Variants in RAPGEF6 observed in about 807,000 individuals in gnomAD.
RAPGEF6 encodes PDZ domain containing guanine nucleotide exchange factor (GEF) 2.
A neutral mutation model predicts 171.4 loss-of-function variants in RAPGEF6; 56 were observed. The observed-to-expected ratio is 0.33, with a 90% CI of 0.26 to 0.41. The LOEUF (loss-of-function observed/expected upper bound fraction) is 0.41. RAPGEF6 is among the 10% of genes least tolerant of loss of function. The pLI, the probability that RAPGEF6 is intolerant of heterozygous loss-of-function variation, is 1.00. For synonymous variants in RAPGEF6, 692 were observed against 650.1 expected (o/e 1.06, Z -0.98); for missense variants, 1,674 against 1,921.4 (o/e 0.87, Z 2.41).
At chr5:131,589,769 TTC>T (rs920253455) in intron 4 of RAPGEF6, among the ~76,000 whole-genome samples, 3 of 152,228 alleles carry the variant, frequency 2.0e-5, no homozygotes, top group Non-Finnish European at 4.4e-5. Flanking sequence ...ATTGGAGGGC[TTC>T]TGTTTCCTGT....
chr5:131,441,137 T>G (rs571163967), intron 23 of RAPGEF6, among the ~76,000 whole-genome samples: 4 of 152,366 alleles, frequency 2.6e-5, no homozygotes, highest in Non-Finnish European at 5.9e-5. Flanking sequence ...CTGTCTTCAT[T>G]CTCTGCATCT....
intron 4 of RAPGEF6, among the ~76,000 whole-genome samples, chr5:131,579,415 C>T (rs1762799187): frequency 6.6e-6 from 1 of 152,264 alleles, no homozygotes; most frequent in Admixed American, 6.5e-5. Flanking sequence ...GCCCCACCCA[C>T]ATCCTGCTGA....
chr5:131,547,241 A>G (rs1413086118), intron 6 of RAPGEF6, among the ~76,000 whole-genome samples: 1 of 152,208 alleles, frequency 6.6e-6, no homozygotes. Context: ...ATGACAACTG[A>G]AAAAACTAAA....
intron 4 of RAPGEF6, among the ~76,000 whole-genome samples, chr5:131,584,958 A>C (rs1763158353): frequency 6.6e-6 from 1 of 152,224 alleles, no homozygotes; most frequent in Admixed American, 6.5e-5. Flanking sequence ...TTACAGTAAT[A>C]ACAGGAGTTT....
intron 20 of RAPGEF6, among the ~76,000 whole-genome samples, chr5:131,453,705 G>A (rs1029997508): frequency 1.3e-5 from 2 of 152,206 alleles, no homozygotes; most frequent in African/African-American, 2.4e-5. Flanking sequence ...TTTATCCCCC[G>A]AGGTAGACCC....
intron 5 of RAPGEF6, among the ~76,000 whole-genome samples, chr5:131,549,256 T>C (rs570501966): frequency 6.6e-6 from 1 of 152,200 alleles, no homozygotes; most frequent in East Asian, 1.9e-4. Flanking sequence ...TAAGCTCACA[T>C]CTAATAAATA....
chr5:131,600,676 G>A (rs934488220), intron 3 of RAPGEF6, among the ~76,000 whole-genome samples: 20 of 151,832 alleles, frequency 1.3e-4, no homozygotes, highest in African/African-American at 3.4e-4. Context: ...AAAAAGAAAC[G>A]TGATGGGTTT....
intron 26 of RAPGEF6, among the ~76,000 whole-genome samples, chr5:131,429,839 G>C (rs1002523431): frequency 6.6e-6 from 1 of 152,000 alleles, no homozygotes; most frequent in Admixed American, 6.6e-5. Flanking sequence ...GATCACCTGA[G>C]GTGAGAAGTT....
chr5:131,633,796 A>G (rs1391104808), intron 1 of RAPGEF6, among the ~76,000 whole-genome samples: 5 of 152,230 alleles, frequency 3.3e-5, no homozygotes, highest in Non-Finnish European at 7.3e-5. Flanking sequence ...TAAGCCTTGT[A>G]TAATACTTTC....
chr5:131,632,674 T>C (rs763266210), intron 1 of RAPGEF6, among the ~76,000 whole-genome samples: 25 of 152,328 alleles, frequency 1.6e-4, no homozygotes, highest in Admixed American at 5.9e-4. Flanking sequence ...TAAGCAACTA[T>C]AGAGCTAATA....
intron 4 of RAPGEF6, among the ~76,000 whole-genome samples, chr5:131,573,001 C>G (rs1762395203): frequency 6.6e-6 from 1 of 152,162 alleles, no homozygotes; most frequent in Admixed American, 6.5e-5. Flanking sequence ...CGCTCCCTCC[C>G]TAGTCTCTGC....
chr5:131,505,454 A>T lies in RAPGEF6; in HGVS notation c.1011T>A (p.Asn337Lys), dbSNP rs763543100. ...EISHPDGKVE[N>K]LFMGNSFGIT... ...TTCCAAAACTATTTCCCATAAACAA[A>T]TTTTCAACTTTTCCATCTGGATGAC... The change falls in exon 10 of 28, where the codon AAT (asparagine) becomes AAA (lysine). Residue 337 changes from asparagine (N) to lysine (K), a missense_variant. By Grantham distance (94) the Asn-to-Lys change is moderately conservative. This residue lies in a region of RAPGEF6 where 1,116 missense variants were observed against 1,321.5 expected (regional missense o/e 0.84). Coordinates refer to ENST00000509018, the MANE Select transcript of RAPGEF6 (RefSeq NM_016340.6). The T allele has an allele frequency of 9.9e-6, 16 of 1,613,420 alleles. No individual in the cohort carries two copies. Among genetic ancestry groups the T allele is most frequent in the Non-Finnish European group, 1.3e-5 (15 of 1,179,680 alleles).
At chr5:131,495,466 A>C in intron 13 of RAPGEF6, 87 bp downstream of exon 13, 1 of 952,168 alleles carries the variant, frequency 1.1e-6, no homozygotes, top group Non-Finnish European at 1.6e-6. Flanking sequence ...GACACAGGAA[A>C]GAATGAAAGC....
intron 7 of RAPGEF6, among the ~76,000 whole-genome samples, chr5:131,516,235 C>T (rs1345360619): frequency 6.6e-6 from 1 of 151,772 alleles, no homozygotes; most frequent in Non-Finnish European, 1.5e-5. Context: ...CATGCGCCAC[C>T]GCACGTGGCT....
intron 4 of RAPGEF6, among the ~76,000 whole-genome samples, chr5:131,567,180 T>G (rs1336331641): frequency 1.3e-5 from 2 of 152,164 alleles, no homozygotes; most frequent in African/African-American, 4.8e-5. Context: ...TCTGGAAATT[T>G]GTATCTTTTT....
At chr5:131,625,351 A>T (rs945346552) in intron 1 of RAPGEF6, among the ~76,000 whole-genome samples, 1 of 152,152 alleles carries the variant, frequency 6.6e-6, no homozygotes, top group Non-Finnish European at 1.5e-5. Flanking sequence ...TTCATTTCAA[A>T]GTTTTTCAAA....
intron 7 of RAPGEF6, among the ~76,000 whole-genome samples, chr5:131,520,011 T>C (rs1355979854): frequency 6.6e-6 from 1 of 152,196 alleles, no homozygotes; most frequent in African/African-American, 2.4e-5. Flanking sequence ...CCTTGTTCTG[T>C]ATACTGTAAA....
intron 1 of RAPGEF6, among the ~76,000 whole-genome samples, chr5:131,627,883 GGC>G (rs1387060868): frequency 2.6e-5 from 4 of 152,028 alleles, no homozygotes; most frequent in Non-Finnish European, 5.9e-5. Flanking sequence ...TTGCTATGGT[GGC>G]CTGTGATCAG....
intron 6 of RAPGEF6, among the ~76,000 whole-genome samples, chr5:131,533,212 A>ACACACACC (rs1347157434): frequency 2.8e-5 from 4 of 142,302 alleles, no homozygotes; most frequent in African/African-American, 5.3e-5. Context: ...ACACACACAC[A>ACACACACC]CCCCATCCTC....
Sources: gnomAD v4.1 joint callset for allele counts (sites outside exome capture counted in the v4.1 genomes callset) on GRCh38, gnomAD v4.1.1 for gene constraint, gnomAD v4.1.1 regional missense constraint, MANE v1.5 for transcripts, NCBI Gene and HGNC (gene_info 2026-07-23, HGNC 2026-07-21) for gene names.